Variants in GRM4 observed in about 807,000 individuals in gnomAD.
GRM4 encodes glutamate metabotropic receptor 4, also known as metabotropic glutamate receptor 4.
In GRM4, 28 loss-of-function variants were observed where a neutral mutation model predicts 81.7. The observed-to-expected ratio is 0.34, with a 90% CI of 0.25 to 0.47. The LOEUF is 0.47. GRM4 is among the 20% of genes least tolerant of loss of function. The pLI, the probability that GRM4 is intolerant of heterozygous loss-of-function variation, is 1.00. For synonymous variants in GRM4, 488 were observed against 528.8 expected (o/e 0.92, Z 1.06); for missense variants, 948 against 1,290.0 (o/e 0.73, Z 4.06).
chr6:34,086,446 C>T (rs1767893938), intron 3 of GRM4, among the ~76,000 whole-genome samples: 1 of 152,212 alleles, frequency 6.6e-6, no homozygotes, highest in Non-Finnish European at 1.5e-5. Flanking sequence ...GAGGTAGGGC[C>T]TCAGAATTTC....
rs1047701054 is a variant in GRM4 at position 34,068,450 on chromosome 6, G to C, written c.737-6422C>G. 1.3e-5 allele frequency among the ~76,000 whole-genome samples: 2 copies of C among 152,116 alleles called. No homozygotes were observed. Among genetic ancestry groups the C allele is most frequent in the African/African-American group, 4.8e-5 (2 of 41,406 alleles). On this transcript the variant is annotated intron_variant, in intron 3 of 10. Transcript: ENST00000538487. This position sits in a 1 kb window ranked among gnomAD's most constrained non-coding sequence, Gnocchi z 4.2. ...TTAGGTTTACAGGAGGTCTGACCGTGGCAGGACCCTCTGAGCCCCCACTGT... is the reference window on the plus strand; with the variant it reads ...TTAGGTTTACAGGAGGTCTGACCGTCGCAGGACCCTCTGAGCCCCCACTGT...
intron 2 of GRM4, among the ~76,000 whole-genome samples, chr6:34,120,933 T>C (rs887559176): frequency 1.3e-5 from 2 of 152,242 alleles, no homozygotes; most frequent in East Asian, 1.9e-4. Flanking sequence ...AAACTGTTAC[T>C]GGAAGATATC....
At chr6:34,040,154 C>G (rs1292333868) in intron 8 of GRM4, 24 bp downstream of exon 8, 2 of 1,610,836 alleles carry the variant, frequency 1.2e-6, no homozygotes, top group South Asian at 2.2e-5. Context: ...TCACTCTCCA[C>G]CCACTCCCTG....
chr6:34,043,654 G>C (rs1204385849), intron 6 of GRM4, among the ~76,000 whole-genome samples: 1 of 152,164 alleles, frequency 6.6e-6, no homozygotes, highest in African/African-American at 2.4e-5. Flanking sequence ...CCCCCAGGAG[G>C]CTGGCCTCAG....
chr6:34,124,056 A>T (rs1769922086), intron 2 of GRM4, among the ~76,000 whole-genome samples: 1 of 152,222 alleles, frequency 6.6e-6, no homozygotes, highest in African/African-American at 2.4e-5. Context: ...CTCAGGGACC[A>T]TCTGCCCACT....
At chr6:34,029,150 C>T (rs976252027) in intron 9 of GRM4, among the ~76,000 whole-genome samples, 1 of 152,238 alleles carries the variant, frequency 6.6e-6, no homozygotes, top group African/African-American at 2.4e-5. Flanking sequence ...CTCCAGGCCT[C>T]AGCCGCCCCT....
intron 3 of GRM4, chr6:34,062,958 C>G (rs1766261759): frequency 6.6e-6 from 1 of 152,168 alleles, no homozygotes; most frequent in Admixed American, 6.5e-5. Context: ...AGTGGCTTAC[C>G]CAAAGCCACA....
At chr6:34,082,676 T>C (rs904107845) in intron 3 of GRM4, among the ~76,000 whole-genome samples, 2 of 152,260 alleles carry the variant, frequency 1.3e-5, no homozygotes, top group Non-Finnish European at 2.9e-5. Context: ...CTAATGCCTT[T>C]GAGAGCACCA....
intron 2 of GRM4, among the ~76,000 whole-genome samples, chr6:34,095,903 A>G (rs895795668): frequency 3.3e-5 from 5 of 152,176 alleles, no homozygotes; most frequent in African/African-American, 9.7e-5. Context: ...GGTGACTGTG[A>G]CAACCTGGCC....
At chr6:34,151,815 T>C (rs1771052552) in intron 1 of GRM4, among the ~76,000 whole-genome samples, 1 of 151,684 alleles carries the variant, frequency 6.6e-6, no homozygotes, top group Non-Finnish European at 1.5e-5. Context: ...CAGACCAGTG[T>C]GGACACTGTC....
chr6:34,084,981 A>G (rs543260019), intron 3 of GRM4, among the ~76,000 whole-genome samples: 7 of 152,268 alleles, frequency 4.6e-5, no homozygotes, highest in South Asian at 4.1e-4. Flanking sequence ...TACTGTGTGC[A>G]GGGCAGGTGC....
At chr6:34,119,533 C>T (rs1769720188) in intron 2 of GRM4, among the ~76,000 whole-genome samples, 1 of 152,218 alleles carries the variant, frequency 6.6e-6, no homozygotes, top group Admixed American at 6.5e-5. Context: ...GGCACCAGCC[C>T]TGCCCCTCTC....
At chr6:34,066,711 G>T (rs1187615765) in intron 3 of GRM4, among the ~76,000 whole-genome samples, 1 of 151,906 alleles carries the variant, frequency 6.6e-6, no homozygotes, top group East Asian at 1.9e-4. Flanking sequence ...ACTGAAGAAG[G>T]TTCCGACTCA....
chr6:34,045,424 G>A (rs140966958), intron 6 of GRM4, among the ~76,000 whole-genome samples: 369 of 152,336 alleles, frequency 2.4e-3, no homozygotes, highest in African/African-American at 8.3e-3. Context: ...GGTGGGTGGC[G>A]TCCCAGAGCC....
intron 8 of GRM4, among the ~76,000 whole-genome samples, chr6:34,038,067 C>T (rs1277584065): frequency 6.6e-6 from 1 of 152,154 alleles, no homozygotes; most frequent in Non-Finnish European, 1.5e-5. Context: ...GAGACGGTCC[C>T]TGTGGACTGC....
chr6:34,138,376 C>T (rs1770549336), intron 1 of GRM4, among the ~76,000 whole-genome samples: 1 of 152,244 alleles, frequency 6.6e-6, no homozygotes, highest in Admixed American at 6.5e-5. Flanking sequence ...CTCTGCAGGG[C>T]CCACCCAGCC....
chr6:34,105,237 C>T lies in GRM4; in HGVS notation c.520-13138G>A, dbSNP rs571048590. Among the ~76,000 whole-genome samples, 5 of 152,314 alleles carry T rather than the reference C, an allele frequency of 3.3e-5. No individual in the cohort carries two copies. The South Asian group carries it at 1.0e-3, about 32-fold the overall frequency. On this transcript the variant is annotated intron_variant, in intron 2 of 10. Coordinates refer to ENST00000538487, the MANE Select transcript of GRM4 (RefSeq NM_000841.4). ...CAGGCCAGGGCCAGGCTGGCAGCCC[C>T]AAGCTGGCAGAGAGGAGGCCCCCCT...
At chr6:34,023,303 C>A (rs1763979917) in intron 10 of GRM4, among the ~76,000 whole-genome samples, 2 of 152,222 alleles carry the variant, frequency 1.3e-5, no homozygotes, top group African/African-American at 2.4e-5. Context: ...CATCATATAA[C>A]CTTAAAATAT....
chr6:34,044,443 T>G, intron 6 of GRM4, among the ~76,000 whole-genome samples: 1 of 131,052 alleles, frequency 7.6e-6, no homozygotes, highest in Non-Finnish European at 1.6e-5. Flanking sequence ...CATACATACA[T>G]ACACATATAT....
Sources: allele counts gnomAD v4.1 joint callset (sites outside exome capture counted in the v4.1 genomes callset), GRCh38; gene constraint gnomAD v4.1.1; non-coding constraint Gnocchi (gnomAD v3.1); transcripts MANE v1.5; gene names NCBI Gene and HGNC (gene_info 2026-07-23, HGNC 2026-07-21).